GALNT16: variants seen among roughly 807,000 people sequenced by gnomAD.
GALNT16 encodes the protein polypeptide N-acetylgalactosaminyltransferase 16.
GALNT16 carries 40 observed loss-of-function variants against 76.1 expected under a neutral mutation model. That is an observed-to-expected ratio of 0.53 (90% CI 0.41 to 0.68). The LOEUF is 0.68. Among genes scored for constraint, GALNT16 ranks in the 30% least tolerant of loss-of-function variants. The probability of loss-of-function intolerance (pLI) is 0.00; values close to 1 mark genes in which losing one functional copy is unlikely to be tolerated. For synonymous variants in GALNT16, 276 were observed against 285.2 expected (o/e 0.97, Z 0.32); for missense variants, 621 against 731.9 (o/e 0.85, Z 1.75).
chr14:69,378,979 G>A, the GALNT16 span, among the ~76,000 whole-genome samples: 1 of 151,970 alleles, frequency 6.6e-6, no homozygotes, highest in African/African-American at 2.4e-5. Flanking sequence ...TGTCACCCAA[G>A]CTGGAGTGCA....
chr14:69,313,287 C>A (rs2045053621), intron 1 of GALNT16, among the ~76,000 whole-genome samples: 1 of 152,240 alleles, frequency 6.6e-6, no homozygotes, highest in Admixed American at 6.5e-5. Context: ...TAAGCAGATG[C>A]AAGCCGAGCA....
At chr14:69,378,210 C>CT in the GALNT16 span, among the ~76,000 whole-genome samples, 1 of 152,282 alleles carries the variant, frequency 6.6e-6, no homozygotes, top group South Asian at 2.1e-4. Flanking sequence ...TCGTTGAACT[C>CT]TTTTTATACT....
the GALNT16 span, among the ~76,000 whole-genome samples, chr14:69,362,821 A>G: frequency 6.6e-6 from 1 of 152,238 alleles, no homozygotes; most frequent in African/African-American, 2.4e-5. Flanking sequence ...TCCAGCCACC[A>G]GGGCAAGACT....
intron 12 of GALNT16, among the ~76,000 whole-genome samples, chr14:69,344,895 G>A (rs1483263103): frequency 1.3e-5 from 2 of 152,184 alleles, no homozygotes; most frequent in Non-Finnish European, 2.9e-5. Context: ...AGAGTGTGGA[G>A]CTCCTGCCCT....
At chr14:69,273,680 GC>G (rs1029345465) in intron 1 of GALNT16, among the ~76,000 whole-genome samples, 1 of 152,198 alleles carries the variant, frequency 6.6e-6, no homozygotes, top group Non-Finnish European at 1.5e-5. Context: ...ATCTCCTTGG[GC>G]CAGAATCCTA....
chr14:69,358,374 G>T (rs1208891904), downstream of GALNT16: 2 of 152,382 alleles, frequency 1.3e-5, no homozygotes, highest in African/African-American at 4.8e-5. Context: ...AGAGCTCCAG[G>T]TTTCTCTGCC....
At chr14:69,342,780 A>G (rs1174606622) in intron 12 of GALNT16, among the ~76,000 whole-genome samples, 1 of 152,148 alleles carries the variant, frequency 6.6e-6, no homozygotes, top group Non-Finnish European at 1.5e-5. Context: ...TGGCCTTTTC[A>G]GTGTCTCAGT....
chr14:69,285,834 AC>A (rs2140122091), intron 1 of GALNT16, among the ~76,000 whole-genome samples: 1 of 151,896 alleles, frequency 6.6e-6, no homozygotes, highest in African/African-American at 2.4e-5. Context: ...CATACCCCCT[AC>A]CCCTCACTAG....
chr14:69,317,406 T>C (rs2045118051), intron 1 of GALNT16, among the ~76,000 whole-genome samples: 1 of 152,126 alleles, frequency 6.6e-6, no homozygotes, highest in Non-Finnish European at 1.5e-5. Context: ...GAGCTTGGGG[T>C]TGGCGGTTTC....
intron 1 of GALNT16, among the ~76,000 whole-genome samples, chr14:69,293,978 C>T (rs1385068129): frequency 6.6e-6 from 1 of 152,078 alleles, no homozygotes; most frequent in Non-Finnish European, 1.5e-5. Flanking sequence ...GCAACCTCTG[C>T]CTCCCAGGTT....
At chr14:69,285,519 C>A (rs546083576) in intron 1 of GALNT16, among the ~76,000 whole-genome samples, 1 of 152,252 alleles carries the variant, frequency 6.6e-6, no homozygotes, top group South Asian at 2.1e-4. Context: ...ATGCTGATAG[C>A]CCATCACACA....
chr14:69,364,057 T>G, the GALNT16 span, among the ~76,000 whole-genome samples: 2 of 152,178 alleles, frequency 1.3e-5, no homozygotes, highest in African/African-American at 4.8e-5. The surrounding 1 kb of genome is among the most constrained non-coding windows in gnomAD (Gnocchi z 4.2). Context: ...GCAGACTACA[T>G]GAAGACAAAG....
Position 69,260,265 on chromosome 14 carries a change from C to T in GALNT16, c.-26C>T. On this transcript the variant is annotated 5_prime_UTR_variant, in exon 1 of 15. Transcript: ENST00000448469. ...CCCGAGAGCACGCCGGCCCAGTCCC[C>T]CACCTGGGGCGCCCGTCTGCCCACC... is the stretch of plus-strand genomic sequence containing the variant. 6.2e-7 allele frequency: 1 copy of T among 1,608,936 alleles called. No individual in the cohort carries two copies. Among genetic ancestry groups the T allele is most frequent in the Non-Finnish European group, 8.5e-7 (1 of 1,176,970 alleles).
At chr14:69,312,080 T>C (rs1456068572) in intron 1 of GALNT16, among the ~76,000 whole-genome samples, 9 of 151,218 alleles carry the variant, frequency 6.0e-5, no homozygotes, top group South Asian at 2.1e-4. Flanking sequence ...TATCTATCTA[T>C]CTATCTATCT....
the GALNT16 span, among the ~76,000 whole-genome samples, chr14:69,377,140 C>G: frequency 8.1e-4 from 124 of 152,294 alleles, no homozygotes; most frequent in African/African-American, 2.8e-3. Flanking sequence ...AAATTGGTGC[C>G]AAGTAAGACC....
chr14:69,331,280 TTGGG>T (rs1035226306), intron 6 of GALNT16, among the ~76,000 whole-genome samples, 180 bp from the exon 7 acceptor site: 3 of 152,094 alleles, frequency 2.0e-5, no homozygotes, highest in African/African-American at 7.2e-5. Flanking sequence ...ATCCAGGAGC[TTGGG>T]TGTGGTGATG....
At chr14:69,374,410 G>T in the GALNT16 span, among the ~76,000 whole-genome samples, 1 of 152,116 alleles carries the variant, frequency 6.6e-6, no homozygotes, top group Non-Finnish European at 1.5e-5. Flanking sequence ...TATGTGCCTT[G>T]TTCTGTTTAG....
chr14:69,287,743 C>CT (rs2044632627), intron 1 of GALNT16, among the ~76,000 whole-genome samples: 1 of 152,176 alleles, frequency 6.6e-6, no homozygotes, highest in East Asian at 1.9e-4. Flanking sequence ...CCTACCTGCA[C>CT]TTTTTTCTCC....
At chr14:69,325,878 A>G in intron 4 of GALNT16, 84 bp from the exon 5 acceptor site, 1 of 1,053,026 alleles carries the variant, frequency 9.5e-7, no homozygotes, top group South Asian at 1.3e-5. Flanking sequence ...TGGGCTTAGT[A>G]TGGGGCAATT....
Sources: allele counts gnomAD v4.1 joint callset (sites outside exome capture counted in the v4.1 genomes callset), GRCh38; gene constraint gnomAD v4.1.1; non-coding constraint Gnocchi (gnomAD v3.1); transcripts MANE v1.5; gene names NCBI Gene and HGNC (gene_info 2026-07-23, HGNC 2026-07-21).